The following MBNL1 variants were observed in gnomAD, a reference collection of about 807,000 sequenced individuals.
The protein encoded by MBNL1 is muscleblind-like protein 1.
Under a neutral mutation model 42.2 loss-of-function variants are expected in MBNL1, and 8 were observed. That is an observed-to-expected ratio of 0.19 (90% CI 0.11 to 0.34). MBNL1 has a LOEUF of 0.34. Ranked by LOEUF, MBNL1 falls within the 10% of genes least tolerant of loss-of-function variation. The pLI, the probability that MBNL1 is intolerant of heterozygous loss-of-function variation, is 1.00. For missense variants in MBNL1, 309 were observed against 495.3 expected (o/e 0.62, Z 3.57); for synonymous variants, 169 against 173.9 (o/e 0.97, Z 0.22).
intron 2 of MBNL1, among the ~76,000 whole-genome samples, chr3:152,343,122 A>G (rs1244537607): frequency 1.3e-5 from 2 of 152,076 alleles, no homozygotes; most frequent in African/African-American, 4.8e-5. Context: ...ATCAGGACTG[A>G]CCCAAATATG....
intron 2 of MBNL1, among the ~76,000 whole-genome samples, chr3:152,365,797 A>G (rs2096322433): frequency 6.6e-6 from 1 of 152,160 alleles, no homozygotes; most frequent in South Asian, 2.1e-4. Flanking sequence ...TTTTCCAGAA[A>G]TTCCAAGATA....
intron 2 of MBNL1, among the ~76,000 whole-genome samples, chr3:152,409,952 TTAGC>T (rs1316889815): frequency 6.6e-6 from 1 of 152,194 alleles, no homozygotes; most frequent in African/African-American, 2.4e-5. Context: ...TTGTTTTCAA[TTAGC>T]TAGTTTGTAA....
chr3:152,326,086 A>T (rs1424019539), intron 2 of MBNL1, among the ~76,000 whole-genome samples: 1 of 152,132 alleles, frequency 6.6e-6, no homozygotes, highest in Non-Finnish European at 1.5e-5. Flanking sequence ...ACTTATTTTA[A>T]ATATAACTCC....
At chr3:152,344,433 A>G (rs1446720090) in intron 2 of MBNL1, among the ~76,000 whole-genome samples, 3 of 152,142 alleles carry the variant, frequency 2.0e-5, no homozygotes, top group African/African-American at 4.8e-5. Flanking sequence ...TTGGCGTGGT[A>G]TATCAAAAGC....
chr3:152,328,631 A>G (rs969146579), intron 2 of MBNL1, among the ~76,000 whole-genome samples: 1 of 152,208 alleles, frequency 6.6e-6, no homozygotes, highest in African/African-American at 2.4e-5. Flanking sequence ...AACATGCTTT[A>G]TGACATTACG....
At chr3:152,409,195 A>G (rs1294957059) in intron 2 of MBNL1, among the ~76,000 whole-genome samples, 1 of 152,216 alleles carries the variant, frequency 6.6e-6, no homozygotes, top group African/African-American at 2.4e-5. Context: ...ATTTGTATGT[A>G]TGTGAAGTAT....
At chr3:152,361,534 G>A (rs1487739527) in intron 2 of MBNL1, among the ~76,000 whole-genome samples, 1 of 151,600 alleles carries the variant, frequency 6.6e-6, no homozygotes, top group Non-Finnish European at 1.5e-5. Context: ...TACAATGGGA[G>A]GGGCAAATGC....
chr3:152,396,934 A>C (rs1487316540), intron 2 of MBNL1, among the ~76,000 whole-genome samples: 1 of 152,146 alleles, frequency 6.6e-6, no homozygotes, highest in African/African-American at 2.4e-5. Context: ...TTAAAGAAAA[A>C]CTCATGGGGG....
At chr3:152,432,385 G>C (rs147284579) in intron 3 of MBNL1, among the ~76,000 whole-genome samples, 51 of 152,096 alleles carry the variant, frequency 3.4e-4, no homozygotes, top group South Asian at 2.9e-3. Context: ...TCAGGACAAA[G>C]ATGAAGATTA....
At chr3:152,435,029 G>C (rs1437092433) in intron 4 of MBNL1, among the ~76,000 whole-genome samples, 1 of 151,850 alleles carries the variant, frequency 6.6e-6, no homozygotes, top group Non-Finnish European at 1.5e-5. Flanking sequence ...CTGTGTAGAA[G>C]CTCTTTAGTT....
chr3:152,386,952 A>C (rs1297478767), intron 2 of MBNL1, among the ~76,000 whole-genome samples: 1 of 152,156 alleles, frequency 6.6e-6, no homozygotes, highest in Admixed American at 6.6e-5. Flanking sequence ...AGAATGTTGA[A>C]GCAGGTATTT....
chr3:152,358,094 GT>G (rs2095657642), intron 2 of MBNL1, among the ~76,000 whole-genome samples: 1 of 152,132 alleles, frequency 6.6e-6, no homozygotes, highest in African/African-American at 2.4e-5. Context: ...GAAAAAGGGG[GT>G]TTGTTAATTT....
intron 2 of MBNL1, among the ~76,000 whole-genome samples, chr3:152,386,825 A>G (rs970019496): frequency 6.6e-6 from 1 of 152,108 alleles, no homozygotes; most frequent in Non-Finnish European, 1.5e-5. Context: ...TTAAAGCAGC[A>G]TATTTATAGT....
At chr3:152,365,229 G>C (rs1231908545) in intron 2 of MBNL1, among the ~76,000 whole-genome samples, 2 of 151,850 alleles carry the variant, frequency 1.3e-5, no homozygotes, top group African/African-American at 4.8e-5. Flanking sequence ...CATTCATTTT[G>C]AAAGTAAAAT....
At chr3:152,411,130 G>T (rs184241395) in intron 2 of MBNL1, among the ~76,000 whole-genome samples, 57 of 152,180 alleles carry the variant, frequency 3.7e-4, no homozygotes, top group Non-Finnish European at 6.5e-4. Flanking sequence ...CTTCCACAAG[G>T]TCACACAGCA....
At chr3:152,319,882 T>A (rs2075326293) in intron 2 of MBNL1, among the ~76,000 whole-genome samples, 1 of 152,096 alleles carries the variant, frequency 6.6e-6, no homozygotes, top group Non-Finnish European at 1.5e-5. Flanking sequence ...TTTGTGCTCT[T>A]ACTCCTGGGT....
intron 2 of MBNL1, among the ~76,000 whole-genome samples, chr3:152,341,309 T>A (rs375501979): frequency 1.5e-4 from 23 of 152,214 alleles, no homozygotes; most frequent in African/African-American, 5.3e-4. Context: ...AACTCTTAAA[T>A]TCCCTTGGGA....
upstream of MBNL1, chr3:152,268,552 G>A (rs1411711834): frequency 2.9e-6 from 1 of 349,916 alleles, no homozygotes; most frequent in East Asian, 8.1e-5. Context: ...TAGAAGAAGC[G>A]GGAGGGCGTC....
intron 2 of MBNL1, among the ~76,000 whole-genome samples, chr3:152,388,642 A>G (rs982361105): frequency 6.6e-6 from 1 of 152,176 alleles, no homozygotes; most frequent in African/African-American, 2.4e-5. Context: ...TAGGTACTGT[A>G]TGGGAAAAGG....
Sources: allele counts gnomAD v4.1 joint callset (sites outside exome capture counted in the v4.1 genomes callset), GRCh38; gene constraint gnomAD v4.1.1; transcripts MANE v1.5; gene names NCBI Gene and HGNC (gene_info 2026-07-23, HGNC 2026-07-21).